The following DLG2 variants were observed in gnomAD, a reference collection of about 807,000 sequenced individuals.
The protein encoded by DLG2 is disks large homolog 2.
In DLG2, 45 loss-of-function variants were observed where a neutral mutation model predicts 132.5. The observed-to-expected ratio is 0.34, with a 90% CI of 0.27 to 0.44. The LOEUF (loss-of-function observed/expected upper bound fraction) is 0.44, where lower values mean the gene tolerates loss of function less well. Among genes scored for constraint, DLG2 ranks in the 20% least tolerant of loss-of-function variants. The probability of loss-of-function intolerance (pLI) is 1.00; values close to 1 mark genes in which losing one functional copy is unlikely to be tolerated. For synonymous variants in DLG2, 424 were observed against 419.6 expected (o/e 1.01, Z -0.13); for missense variants, 1,045 against 1,196.9 (o/e 0.87, Z 1.87).
At chr11:85,279,423 C>T (rs2078096486) in intron 4 of DLG2, among the ~76,000 whole-genome samples, 1 of 152,110 alleles carries the variant, frequency 6.6e-6, no homozygotes, top group South Asian at 2.1e-4. Flanking sequence ...AAAACAGTTT[C>T]ATCATTCCTT....
chr11:85,338,149 G>A (rs1056869856), intron 3 of DLG2, among the ~76,000 whole-genome samples: 9 of 152,060 alleles, frequency 5.9e-5, no homozygotes, highest in African/African-American at 1.9e-4. Flanking sequence ...AGTAGAGAAT[G>A]TTTTCAATAA....
At chr11:84,004,947 C>CAA (rs56323323) in intron 11 of DLG2, among the ~76,000 whole-genome samples, 2,039 of 138,058 alleles carry the variant, frequency 0.015, 53 homozygotes, top group African/African-American at 0.05. Flanking sequence ...TATATAGAAT[C>CAA]AAAAAAAAAA....
At chr11:83,986,410 T>C (rs1196812016) in intron 11 of DLG2, among the ~76,000 whole-genome samples, 2 of 151,812 alleles carry the variant, frequency 1.3e-5, no homozygotes, top group Admixed American at 6.6e-5. Flanking sequence ...TATGGCTGCA[T>C]AGTATTCCAT....
intron 7 of DLG2, among the ~76,000 whole-genome samples, chr11:84,486,934 G>A (rs1402908728): frequency 6.6e-6 from 1 of 152,076 alleles, no homozygotes; most frequent in African/African-American, 2.4e-5. Context: ...CATTCTAGAA[G>A]GAGGATATAG....
chr11:84,089,302 A>T (rs980861152), intron 10 of DLG2, among the ~76,000 whole-genome samples: 14 of 152,176 alleles, frequency 9.2e-5, no homozygotes, highest in Non-Finnish European at 5.9e-5. Flanking sequence ...AAACAAAAAA[A>T]CCAAGCTGAG....
At chr11:84,014,703 A>T (rs1440822220) in intron 11 of DLG2, among the ~76,000 whole-genome samples, 1 of 152,202 alleles carries the variant, frequency 6.6e-6, no homozygotes, top group Non-Finnish European at 1.5e-5. Flanking sequence ...CTAATAAATC[A>T]GGAAGAGGGC....
In DLG2 at chr11:84,994,340, GT is replaced by G. The variant is rs2057427887; in HGVS notation, c.357+117320del. 2.0e-5 allele frequency among the ~76,000 whole-genome samples: 3 copies of G among 152,114 alleles called. No individual in the cohort carries two copies. In the South Asian group the frequency reaches 6.2e-4, roughly 32 times the overall value. ...TGGTACTTCAAGTGGGATCATTCCT[GT>G]AACACCAGAATTATGGCTATATATT... On this transcript the variant is annotated intron_variant, in intron 6 of 27. Transcript: ENST00000376104.
intron 6 of DLG2, among the ~76,000 whole-genome samples, chr11:85,057,243 A>C (rs117251801): frequency 0.019 from 2,949 of 151,786 alleles, 50 homozygotes; most frequent in Admixed American, 0.041. Context: ...ATAATATATA[A>C]ATGTAAAATT....
rs11606621 is a variant in DLG2 at position 84,977,041 on chromosome 11, C to T, written c.357+134620G>A. On this transcript the variant is annotated intron_variant, in intron 6 of 27. Coordinates refer to ENST00000376104, the MANE Select transcript of DLG2 (RefSeq NM_001142699.3). ...TATGCTATTGCTTGCTTACCCATCA[C>T]CTGTGCCTCTTTTTTTTTCTGACAG... Among the ~76,000 whole-genome samples, 1,397 of 152,172 alleles carry T rather than the reference C, an allele frequency of 9.2e-3. 11 individuals carry two copies. Among genetic ancestry groups the T allele is most frequent in the Non-Finnish European group, 0.016 (1,115 of 67,980 alleles).
chr11:85,485,112 A>C (rs2093398117), intron 3 of DLG2, among the ~76,000 whole-genome samples: 1 of 152,032 alleles, frequency 6.6e-6, no homozygotes, highest in Admixed American at 6.5e-5. Context: ...ACAAAAAACC[A>C]AACACTGCAT....
intron 14 of DLG2, among the ~76,000 whole-genome samples, chr11:83,949,535 A>G (rs1235461436): frequency 6.6e-6 from 1 of 152,136 alleles, no homozygotes; most frequent in Non-Finnish European, 1.5e-5. Flanking sequence ...CTAAGTTATT[A>G]TCTCTTAATT....
At chr11:84,938,512 T>C (rs955256201) in intron 6 of DLG2, among the ~76,000 whole-genome samples, 4 of 152,198 alleles carry the variant, frequency 2.6e-5, no homozygotes, top group African/African-American at 9.7e-5. Context: ...AAGTCTTATA[T>C]TTCCCACTAA....
intron 7 of DLG2, among the ~76,000 whole-genome samples, chr11:84,435,789 A>C (rs1259075545): frequency 6.6e-6 from 1 of 152,076 alleles, no homozygotes; most frequent in African/African-American, 2.4e-5. Context: ...GGTTCTATAC[A>C]CTGAATTTTA....
intron 3 of DLG2, among the ~76,000 whole-genome samples, chr11:85,499,662 A>G (rs185745543): frequency 4.1e-4 from 63 of 152,330 alleles, no homozygotes; most frequent in African/African-American, 1.5e-3. Flanking sequence ...ATTTTAGACC[A>G]ATAACCCTGA....
intron 3 of DLG2, among the ~76,000 whole-genome samples, chr11:85,542,062 C>G (rs2076007385): frequency 1.3e-5 from 2 of 152,086 alleles, no homozygotes; most frequent in Admixed American, 6.5e-5. Context: ...ACAACAACTC[C>G]AGAATTGAGA....
chr11:83,546,492 A>G (rs185979236), intron 19 of DLG2, among the ~76,000 whole-genome samples: 25 of 152,262 alleles, frequency 1.6e-4, no homozygotes, highest in African/African-American at 6.0e-4. Flanking sequence ...AGATACGACA[A>G]TGGGATGACA....
chr11:85,595,057 T>G (rs1053243587), intron 3 of DLG2, among the ~76,000 whole-genome samples: 2 of 132,330 alleles, frequency 1.5e-5, no homozygotes, highest in Admixed American at 7.8e-5. Context: ...AGAGTGAGAC[T>G]CTGTCTCAAA....
At chr11:85,021,895 T>C (rs924473503) in intron 6 of DLG2, among the ~76,000 whole-genome samples, 1 of 152,144 alleles carries the variant, frequency 6.6e-6, no homozygotes, top group Non-Finnish European at 1.5e-5. Context: ...AATTTTATCA[T>C]TTATTATGTC....
intron 7 of DLG2, among the ~76,000 whole-genome samples, chr11:84,279,787 A>C (rs2097833185): frequency 6.6e-6 from 1 of 152,216 alleles, no homozygotes; most frequent in African/African-American, 2.4e-5. Context: ...GGAGGGGAAC[A>C]TCACACACTG....
Sources: gnomAD v4.1 joint callset for allele counts (sites outside exome capture counted in the v4.1 genomes callset) on GRCh38, gnomAD v4.1.1 for gene constraint, MANE v1.5 for transcripts, NCBI Gene and HGNC (gene_info 2026-07-23, HGNC 2026-07-21) for gene names.